The following LRPPRC variants were observed in gnomAD, a reference collection of about 807,000 sequenced individuals.
The protein encoded by LRPPRC is leucine rich pentatricopeptide repeat containing.
Under a neutral mutation model 180.3 loss-of-function variants are expected in LRPPRC, and 120 were observed. The observed-to-expected ratio is 0.67, with a 90% CI of 0.57 to 0.77. The LOEUF is 0.77. LRPPRC is among the 30% of genes least tolerant of loss of function. The pLI, the probability that LRPPRC is intolerant of heterozygous loss-of-function variation, is 0.00. For missense variants in LRPPRC, 2,012 were observed against 1,657.2 expected (o/e 1.21, Z -3.72); for synonymous variants, 723 against 600.0 (o/e 1.21, Z -3.00).
intron 11 of LRPPRC, among the ~76,000 whole-genome samples, chr2:43,968,674 A>G (rs1673664649): frequency 6.6e-6 from 1 of 152,232 alleles, no homozygotes; most frequent in South Asian, 2.1e-4. Context: ...AATAAAAAAC[A>G]GTCGAAAACT....
intron 30 of LRPPRC, among the ~76,000 whole-genome samples, chr2:43,908,132 A>T (rs1000586801): frequency 6.6e-6 from 1 of 152,230 alleles, no homozygotes; most frequent in African/African-American, 2.4e-5. Flanking sequence ...GGAAGCCAAG[A>T]GGAACGACAG....
At chr2:43,944,845 A>C (rs112591388) in intron 22 of LRPPRC, among the ~76,000 whole-genome samples, 42 of 152,216 alleles carry the variant, frequency 2.8e-4, no homozygotes, top group African/African-American at 9.1e-4. Flanking sequence ...TGAACCATTA[A>C]ATAAAAACCT....
intron 30 of LRPPRC, among the ~76,000 whole-genome samples, chr2:43,906,799 C>G (rs1338170754): frequency 6.6e-6 from 1 of 152,162 alleles, no homozygotes; most frequent in Non-Finnish European, 1.5e-5. Context: ...CATGCCCATT[C>G]TCTCAGTCAC....
chr2:43,900,414 AT>A (rs2104991546), intron 32 of LRPPRC, among the ~76,000 whole-genome samples: 1 of 152,272 alleles, frequency 6.6e-6, no homozygotes, highest in East Asian at 1.9e-4. Context: ...GTTACAATAT[AT>A]TTCTCTTACA....
intron 3 of LRPPRC, among the ~76,000 whole-genome samples, chr2:43,979,147 T>G (rs1015379310): frequency 2.7e-5 from 4 of 146,366 alleles, no homozygotes; most frequent in Admixed American, 2.7e-4. Flanking sequence ...CTATGTTACA[T>G]GACATAAAAC....
intron 32 of LRPPRC, 86 bp downstream of exon 32, chr2:43,901,234 G>T: frequency 2.2e-6 from 2 of 914,496 alleles, no homozygotes; most frequent in Non-Finnish European, 3.6e-6. Context: ...GTTTCCACAT[G>T]TCTAAAAAAG....
chr2:43,888,827 A>G (rs147527741), intron 37 of LRPPRC, among the ~76,000 whole-genome samples, 171 bp from the exon 38 acceptor site: 1 of 152,264 alleles, frequency 6.6e-6, no homozygotes, highest in Non-Finnish European at 1.5e-5. Context: ...TCACAAGTTC[A>G]AGGGCCTCGG....
At position 43,995,800 on chromosome 2, in the gene LRPPRC, C is replaced by T; in HGVS notation, c.148G>A (p.Gly50Arg). ...TGGAGAAAGGGCCTGGGCACTCACC[C>T]GGCCACGGGCCCGGCGCGAGCGGCG... ...LPAARAGPVAGGLLSPARLYA... is the reference protein window; with the variant it reads ...LPAARAGPVARGLLSPARLYA... Residue 50 changes from glycine (G) to arginine (R), a missense_variant and splice_region_variant, in exon 1 of 38, where the codon GGA (glycine) becomes AGA (arginine). Gly to Arg is a moderately radical substitution (Grantham distance 125, BLOSUM62 -2). Coordinates refer to ENST00000260665, the MANE Select transcript of LRPPRC (RefSeq NM_133259.4). 3 of 1,385,878 alleles carry T rather than the reference C, an allele frequency of 2.2e-6. No individual in the cohort carries two copies. The highest frequency in any genetic ancestry group is 2.8e-6 in the Non-Finnish European group (3 of 1,081,846). The allele number at this position is 1,385,878 out of a possible 1,614,324, so 85.8% of individuals were successfully genotyped here.
At position 43,977,372 on chromosome 2, in the gene LRPPRC, T is replaced by A; in HGVS notation, c.470-96A>T. The A allele has an allele frequency of 7.3e-6, 7 of 963,236 alleles. No individual in the cohort carries two copies. In the South Asian group the frequency reaches 9.4e-5, roughly 13 times the overall value. The allele number at this position is 963,236 out of a possible 1,614,324, so 59.7% of individuals were successfully genotyped here. ...TTAACAAACAAAAAGAGTAAAACTA[T>A]CACTTTAGCATTTCACCCATCCATC... On this transcript the variant is annotated intron_variant, in intron 3 of 37. Transcript: ENST00000260665.
chr2:43,896,864 AAAG>A (rs1328652009), intron 34 of LRPPRC, among the ~76,000 whole-genome samples, 156 bp from the exon 35 acceptor site: 1 of 152,226 alleles, frequency 6.6e-6, no homozygotes, highest in African/African-American at 2.4e-5. Flanking sequence ...AGGCAAGAAA[AAAG>A]AAAACAAGTG....
At chr2:43,966,414 A>ATTT (rs70965324) in intron 11 of LRPPRC, among the ~76,000 whole-genome samples, 2 of 147,186 alleles carry the variant, frequency 1.4e-5, no homozygotes, top group Non-Finnish European at 1.5e-5. Flanking sequence ...TGGCCACAAT[A>ATTT]TTTTTTTTTT....
At chr2:43,896,571 T>C (rs1253128558) in intron 35 of LRPPRC, 63 bp downstream of exon 35, 6 of 1,050,764 alleles carry the variant, frequency 5.7e-6, no homozygotes, top group Non-Finnish European at 9.0e-6. Flanking sequence ...TTATGTTAAA[T>C]TCAATACTTC....
intron 1 of LRPPRC, among the ~76,000 whole-genome samples, chr2:43,989,127 ACT>A (rs1674662093): frequency 6.6e-6 from 1 of 151,996 alleles, no homozygotes; most frequent in Admixed American, 6.5e-5. Context: ...CCTGCCTCAG[ACT>A]CTCAAAGTGC....
chr2:43,890,495 CGAGGTTAG>C (rs1450093532), intron 36 of LRPPRC: 2 of 334,476 alleles, frequency 6.0e-6, no homozygotes, highest in Non-Finnish European at 1.3e-5. Context: ...AGGCGGATCA[CGAGGTTAG>C]GAGATCGAGA....
chr2:43,938,186 T>A (rs1353835560), intron 23 of LRPPRC, among the ~76,000 whole-genome samples: 4 of 146,802 alleles, frequency 2.7e-5, no homozygotes, highest in Non-Finnish European at 4.5e-5. Flanking sequence ...TTACCCTTTA[T>A]AAAAAAAAAA....
At chr2:43,954,668 CAT>C (rs1184705074) in intron 14 of LRPPRC, among the ~76,000 whole-genome samples, 3 of 152,134 alleles carry the variant, frequency 2.0e-5, no homozygotes, top group East Asian at 3.9e-4. Flanking sequence ...TATGTACACA[CAT>C]GTGCATGCAT....
intron 23 of LRPPRC, among the ~76,000 whole-genome samples, chr2:43,938,448 A>C (rs973964757): frequency 4.6e-5 from 7 of 152,226 alleles, no homozygotes; most frequent in African/African-American, 1.7e-4. Flanking sequence ...GGAAACTTAA[A>C]ATAGAGTTAA....
intron 16 of LRPPRC, among the ~76,000 whole-genome samples, 188 bp downstream of exon 16, chr2:43,949,414 A>T (rs1672812718): frequency 6.6e-6 from 1 of 152,218 alleles, no homozygotes; most frequent in African/African-American, 2.4e-5. Flanking sequence ...TCTTTAGAAA[A>T]AATAATTGTA....
chr2:43,976,381 T>C, intron 5 of LRPPRC, 152 bp from the exon 6 acceptor site: 1 of 631,332 alleles, frequency 1.6e-6, no homozygotes, highest in Non-Finnish European at 2.8e-6. Flanking sequence ...ACTAATCCCT[T>C]TGATCCCCTT....
Sources: gnomAD v4.1 joint callset for allele counts (sites outside exome capture counted in the v4.1 genomes callset) on GRCh38, gnomAD v4.1.1 for gene constraint, MANE v1.5 for transcripts, NCBI Gene and HGNC (gene_info 2026-07-23, HGNC 2026-07-21) for gene names.